The following PTPRD variants were observed in gnomAD, a reference collection of about 807,000 sequenced individuals.
The protein encoded by PTPRD is protein tyrosine phosphatase receptor type D.
Under a neutral mutation model 214.5 loss-of-function variants are expected in PTPRD, and 34 were observed. The ratio of observed to expected loss-of-function variants is 0.16; its 90% CI spans 0.12 to 0.21. The LOEUF (loss-of-function observed/expected upper bound fraction) is 0.21. Ranked by LOEUF, PTPRD falls within the 10% of genes least tolerant of loss-of-function variation. The pLI is 1.00. For missense variants in PTPRD, 2,545 were observed against 2,398.7 expected, an observed-to-expected ratio of 1.06 and a Z score of -1.27; for synonymous variants, 1,128 against 845.7, an observed-to-expected ratio of 1.33 and a Z score of -5.79.
chr9:10,574,614 T>C (rs755376613), intron 2 of PTPRD, among the ~76,000 whole-genome samples: 1 of 152,020 alleles, frequency 6.6e-6, no homozygotes, highest in Non-Finnish European at 1.5e-5. Flanking sequence ...TTAATGTTCA[T>C]TAAGATTTTG....
At chr9:10,264,700 C>T (rs2093933148) in intron 3 of PTPRD, among the ~76,000 whole-genome samples, 1 of 152,128 alleles carries the variant, frequency 6.6e-6, no homozygotes, top group African/African-American at 2.4e-5. Flanking sequence ...TTAGTTAAGA[C>T]TTTCGGGATC....
At chr9:10,386,605 G>A (rs2097917929) in intron 2 of PTPRD, among the ~76,000 whole-genome samples, 1 of 151,696 alleles carries the variant, frequency 6.6e-6, no homozygotes, top group Non-Finnish European at 1.5e-5. Flanking sequence ...ACCATTAGCT[G>A]ATAGAAGTCA....
chr9:9,680,790 C>T (rs2097051715), intron 7 of PTPRD, among the ~76,000 whole-genome samples: 1 of 151,600 alleles, frequency 6.6e-6, no homozygotes, highest in South Asian at 2.1e-4. Context: ...AAAAAAATTG[C>T]TGCTTGAGCT....
chr9:10,096,580 G>GGGGT (rs2098488014), intron 3 of PTPRD, among the ~76,000 whole-genome samples: 1 of 151,798 alleles, frequency 6.6e-6, no homozygotes, highest in Admixed American at 6.6e-5. Flanking sequence ...ACTTTTTGAT[G>GGGGT]GGGTTTTTTG....
intron 12 of PTPRD, among the ~76,000 whole-genome samples, chr9:8,665,969 G>C (rs2097161590): frequency 6.6e-6 from 1 of 151,668 alleles, no homozygotes; most frequent in Non-Finnish European, 1.5e-5. Context: ...ATGAAATAAA[G>C]TGTGTTAACT....
Position 10,281,464 on chromosome 9 carries a change from A to G in PTPRD, c.-545+59499T>C, listed in dbSNP as rs565179064. 1.0e-3 allele frequency among the ~76,000 whole-genome samples: 153 copies of G among 152,198 alleles called. 2 individuals carry two copies. The highest frequency in any genetic ancestry group is 3.6e-3 in the African/African-American group (149 of 41,442). On this transcript the variant is annotated intron_variant, in intron 3 of 45. Transcript: ENST00000381196. ...AATGTCCAAATCTCACCTAATATCC[A>G]AAAGCTACAGTTGCTCTTGTGAAGC...
At chr9:10,324,342 C>T (rs7854874) in intron 3 of PTPRD, among the ~76,000 whole-genome samples, 50,066 of 151,838 alleles carry the variant, frequency 0.33, 10,111 homozygotes, top group African/African-American at 0.56. Flanking sequence ...TTGGTAGTAG[C>T]TTGAATGAAG....
chr9:10,244,935 G>T (rs2091833293), intron 3 of PTPRD, among the ~76,000 whole-genome samples: 1 of 152,002 alleles, frequency 6.6e-6, no homozygotes, highest in East Asian at 1.9e-4. Flanking sequence ...AATTTATTTT[G>T]ATTATCAGTA....
At chr9:8,434,390 T>TA (rs1240354990) in intron 35 of PTPRD, among the ~76,000 whole-genome samples, 3 of 152,342 alleles carry the variant, frequency 2.0e-5, no homozygotes, top group Non-Finnish European at 2.9e-5. Flanking sequence ...AGCAATGGGC[T>TA]ATACCATATA....
intron 3 of PTPRD, among the ~76,000 whole-genome samples, chr9:10,149,999 G>A (rs1289355260): frequency 6.6e-6 from 1 of 152,050 alleles, no homozygotes; most frequent in Non-Finnish European, 1.5e-5. Context: ...AAAGTGCTGG[G>A]ATTACAGGCA....
At position 9,208,692 on chromosome 9, in the gene PTPRD, A is replaced by G. The variant is rs993909708; in HGVS notation, c.-202-25329T>C. ...CTCTATGTAGAAAGAAATAAAGAAGATACGATAAAATTGGAATATCATTAG... is the reference window on the plus strand; with the variant it reads ...CTCTATGTAGAAAGAAATAAAGAAGGTACGATAAAATTGGAATATCATTAG... On this transcript the variant is annotated intron_variant, in intron 9 of 45. Coordinates refer to ENST00000381196, the MANE Select transcript of PTPRD (RefSeq NM_002839.4). Among the ~76,000 whole-genome samples the G allele has an allele frequency of 5.9e-5, 9 of 152,310 alleles. No homozygotes were observed. In the East Asian group the frequency reaches 1.7e-3, roughly 29 times the overall value.
intron 9 of PTPRD, among the ~76,000 whole-genome samples, chr9:9,362,947 G>C (rs536491805): frequency 6.6e-6 from 1 of 151,196 alleles, no homozygotes; most frequent in Non-Finnish European, 1.5e-5. Context: ...GTAGATTCTT[G>C]TAAATCCTTT....
chr9:8,797,912 G>A (rs1035462056), intron 11 of PTPRD, among the ~76,000 whole-genome samples: 14 of 149,242 alleles, frequency 9.4e-5, no homozygotes, highest in Middle Eastern at 7.0e-3. Context: ...ATATGTCACC[G>A]AAGCTGGAGT....
At chr9:9,692,309 C>G (rs12553769) in intron 7 of PTPRD, among the ~76,000 whole-genome samples, 3 of 151,678 alleles carry the variant, frequency 2.0e-5, no homozygotes, top group African/African-American at 4.9e-5. Flanking sequence ...GTGTATAAAG[C>G]AAGAGGTAGG....
At chr9:8,564,852 T>G (rs968414404) in intron 14 of PTPRD, among the ~76,000 whole-genome samples, 2 of 152,002 alleles carry the variant, frequency 1.3e-5, no homozygotes, top group African/African-American at 4.8e-5. Context: ...TCTAAGAAAG[T>G]TTTTTTTAAA....
At chr9:9,771,866 C>G (rs914867905) in intron 5 of PTPRD, among the ~76,000 whole-genome samples, 1 of 152,086 alleles carries the variant, frequency 6.6e-6, no homozygotes, top group African/African-American at 2.4e-5. Flanking sequence ...AAATCCAGAA[C>G]AATAAGTGTG....
chr9:9,455,769 C>G (rs1023251033), intron 8 of PTPRD, among the ~76,000 whole-genome samples: 1 of 151,554 alleles, frequency 6.6e-6, no homozygotes, highest in Non-Finnish European at 1.5e-5. Context: ...CTTCAATATA[C>G]TAAATATTAT....
At chr9:10,598,199 G>A (rs183795411) in intron 2 of PTPRD, among the ~76,000 whole-genome samples, 105 of 151,586 alleles carry the variant, frequency 6.9e-4, no homozygotes, top group African/African-American at 2.1e-3. Flanking sequence ...GTTATTATTT[G>A]ATTTTCCTTA....
chr9:10,172,677 T>A lies in PTPRD; in HGVS notation c.-544-138887A>T, dbSNP rs370524289. 7.5e-4 allele frequency among the ~76,000 whole-genome samples: 114 copies of A among 152,286 alleles called. 2 individuals carry two copies. In the South Asian group the frequency reaches 0.02, roughly 27 times the overall value. ...GGAGAACAGGAGCACAAAGTGGCTA[T>A]GACAGAAGTTGGGAACGTTTCCAAG... is the stretch of plus-strand genomic sequence containing the variant. On this transcript the variant is annotated intron_variant, in intron 3 of 45. Coordinates refer to ENST00000381196, the MANE Select transcript of PTPRD (RefSeq NM_002839.4).
Sources: gnomAD v4.1 joint callset for allele counts (sites outside exome capture counted in the v4.1 genomes callset) on GRCh38, gnomAD v4.1.1 for gene constraint, MANE v1.5 for transcripts, NCBI Gene and HGNC (gene_info 2026-07-23, HGNC 2026-07-21) for gene names.